Variants in CEBPZ observed in about 807,000 individuals in gnomAD.
The protein encoded by CEBPZ is CCAAT/enhancer-binding protein zeta.
In CEBPZ, 78 loss-of-function variants were observed where a neutral mutation model predicts 104.5. The ratio of observed to expected loss-of-function variants is 0.75; its 90% CI spans 0.62 to 0.90. CEBPZ has a LOEUF of 0.90. CEBPZ is among the 40% of genes least tolerant of loss of function. The pLI is 0.00. For synonymous variants in CEBPZ, 470 were observed against 427.0 expected (o/e 1.10, Z -1.24); for missense variants, 1,439 against 1,233.5 (o/e 1.17, Z -2.50).
At position 37,216,194 on chromosome 2, in the gene CEBPZ, C is replaced by G; in HGVS notation, c.2326G>C (p.Val776Leu). 6.2e-7 allele frequency: 1 copy of G among 1,612,968 alleles called. No homozygotes were observed. The change falls in exon 8 of 16, where the codon GTT (valine) becomes CTT (leucine). Residue 776 changes from valine (V) to leucine (L), a missense_variant. By Grantham distance (32) the Val-to-Leu change is conservative (BLOSUM62 1). Coordinates refer to ENST00000234170, the MANE Select transcript of CEBPZ (RefSeq NM_005760.3). ...PHKGKENTDS[V>L]VMQPKRKHFI... Reference sequence around the variant, plus strand: ...TGTTTTCTTTTCGGCTGCATCACAACACTATCTGTGTTTTCTGAAATGTAA... The same window carrying G: ...TGTTTTCTTTTCGGCTGCATCACAAGACTATCTGTGTTTTCTGAAATGTAA...
intron 5 of CEBPZ, among the ~76,000 whole-genome samples, 195 bp downstream of exon 5, chr2:37,220,190 G>A (rs1176370078): frequency 6.6e-6 from 1 of 151,760 alleles, no homozygotes; most frequent in Non-Finnish European, 1.5e-5. Flanking sequence ...GGTGGTGGGC[G>A]CCTGTAATCC....
At position 37,228,371 on chromosome 2, in the gene CEBPZ, T is replaced by TGCCC; in HGVS notation, c.821_822insGGGC (p.Lys275GlyfsTer40). 1.2e-6 allele frequency: 2 copies of TGCCC among 1,614,192 alleles called. No individual in the cohort carries two copies. The highest frequency in any genetic ancestry group is 1.7e-6 in the Non-Finnish European group (2 of 1,180,032). ...GGCACTGCTGTTTGCTGCCCTTCTTTTTAACAAGGTTCACAAGAGTTTCTA... is the reference window on the plus strand; with the variant it reads ...GGCACTGCTGTTTGCTGCCCTTCTTTGCCCTTAACAAGGTTCACAAGAGTTTCTA... On this transcript the variant is annotated frameshift_variant, in exon 2 of 16. Transcript: ENST00000234170. LOFTEE classifies it high-confidence loss of function.
At chr2:37,210,803 G>A (rs541350046) in intron 13 of CEBPZ, 196 bp downstream of exon 13, 1 of 470,980 alleles carries the variant, frequency 2.1e-6, no homozygotes, top group African/African-American at 2.0e-5. Context: ...TGAATGAAAA[G>A]ATGATCCAGA....
intron 13 of CEBPZ, chr2:37,210,475 C>G (rs1677685145): frequency 6.6e-6 from 1 of 152,252 alleles, no homozygotes; most frequent in African/African-American, 2.4e-5. Flanking sequence ...TTCGCAGCAA[C>G]CTGAATACAG....
intron 13 of CEBPZ, chr2:37,203,624 TA>T (rs1427295813): frequency 6.6e-6 from 1 of 152,246 alleles, no homozygotes; most frequent in Non-Finnish European, 1.5e-5. Flanking sequence ...TTAAGTGTAT[TA>T]ACGCATTTTG....
Position 37,213,942 on chromosome 2 carries a change from C to G in CEBPZ, c.2467G>C (p.Val823Leu). 6.4e-7 allele frequency: 1 copy of G among 1,573,290 alleles called. No homozygotes were observed. The highest frequency in any genetic ancestry group is 8.6e-7 in the Non-Finnish European group (1 of 1,163,606). Reference protein sequence around the residue: ...FFHRYYKKVAVKEKQKRDADE... With the variant: ...FFHRYYKKVALKEKQKRDADE... Reference sequence around the variant, plus strand: ...GCATCCCGTTTTTGTTTCTCTTTAACAGCAACTTTTTTATAATACCTATAA... The same window carrying G: ...GCATCCCGTTTTTGTTTCTCTTTAAGAGCAACTTTTTTATAATACCTATAA... The change falls in exon 10 of 16, where the codon GTT becomes CTT. Residue 823 changes from valine (V) to leucine (L), a missense_variant. Coordinates refer to ENST00000234170, the MANE Select transcript of CEBPZ (RefSeq NM_005760.3).
In CEBPZ at chr2:37,228,068, G is replaced by C. The variant is rs766049038; in HGVS notation, c.1125C>G (p.Asn375Lys). 6 of 1,614,162 alleles carry C rather than the reference G, an allele frequency of 3.7e-6. No individual in the cohort carries two copies. The South Asian group carries it at 5.5e-5, about 15-fold the overall frequency. ...GAAGAGCCTTTTCTTCCTCAGGCTT[G>C]TTACAAAGCAGCTCATGAGCCACGG... ...ALTVAHELLC[N>K]KPEEEKALLV... The change falls in exon 2 of 16, where the codon AAC becomes AAG. Residue 375 changes from asparagine to lysine, a missense_variant. Asn to Lys is a moderately conservative substitution (Grantham distance 94). Coordinates refer to ENST00000234170, the MANE Select transcript of CEBPZ (RefSeq NM_005760.3).
At chr2:37,217,306 T>C (rs545513552) in intron 5 of CEBPZ, among the ~76,000 whole-genome samples, 26 of 151,714 alleles carry the variant, frequency 1.7e-4, no homozygotes, top group Admixed American at 1.4e-3. Context: ...GAGGCTAAAG[T>C]GGGAGGACTG....
intron 5 of CEBPZ, among the ~76,000 whole-genome samples, chr2:37,217,921 C>CA (rs1664670128): frequency 7.1e-6 from 1 of 139,930 alleles, no homozygotes; most frequent in Non-Finnish European, 1.6e-5. Context: ...AAACAAAAAA[C>CA]AAAAACAAAA....
intron 5 of CEBPZ, among the ~76,000 whole-genome samples, 173 bp downstream of exon 5, chr2:37,220,212 G>C (rs1003545442): frequency 2.6e-5 from 4 of 151,860 alleles, no homozygotes; most frequent in African/African-American, 9.7e-5. Context: ...AGCTACTTGG[G>C]AGGCTGAGCC....
chr2:37,210,954 T>C, intron 13 of CEBPZ, 45 bp downstream of exon 13: 2 of 1,395,600 alleles, frequency 1.4e-6, no homozygotes. Context: ...ATGACACCTT[T>C]CACATGGACA....
chr2:37,211,370 G>C (rs1282350036), intron 12 of CEBPZ: 1 of 264,926 alleles, frequency 3.8e-6, no homozygotes, highest in African/African-American at 2.2e-5. Flanking sequence ...CTGTGGTTCA[G>C]AATAAGTAAG....
At chr2:37,225,396 A>C (rs907378410) in intron 2 of CEBPZ, among the ~76,000 whole-genome samples, 3 of 151,584 alleles carry the variant, frequency 2.0e-5, no homozygotes, top group Non-Finnish European at 2.9e-5. Context: ...CCATTTTGTT[A>C]TGTACTAAGA....
chr2:37,202,254 G>C (rs892798589), intron 15 of CEBPZ: 1 of 133,978 alleles, frequency 7.5e-6, no homozygotes, highest in Non-Finnish European at 1.5e-5. Context: ...TTTTTTTTTT[G>C]CTTTAGTCTA....
At chr2:37,223,667 T>A (rs1281642008) in intron 2 of CEBPZ, among the ~76,000 whole-genome samples, 1 of 152,242 alleles carries the variant, frequency 6.6e-6, no homozygotes, top group Non-Finnish European at 1.5e-5. Flanking sequence ...AGTGTTTTTC[T>A]GTTTTCTATA....
At chr2:37,212,166 AAAT>A in intron 11 of CEBPZ, 127 bp from the exon 12 acceptor site, 1 of 989,334 alleles carries the variant, frequency 1.0e-6, no homozygotes, top group South Asian at 1.6e-5. Context: ...TGCTCAGAGT[AAAT>A]AATAACGTGC....
intron 13 of CEBPZ, chr2:37,209,436 A>G (rs960445630): frequency 3.3e-5 from 5 of 152,206 alleles, no homozygotes; most frequent in Non-Finnish European, 5.9e-5. Context: ...GTACTTGTAC[A>G]AAAACAGGCA....
intron 2 of CEBPZ, among the ~76,000 whole-genome samples, chr2:37,226,764 A>G (rs926493745): frequency 8.4e-4 from 128 of 152,324 alleles, no homozygotes; most frequent in African/African-American, 2.8e-3. Flanking sequence ...ATGAATCAGA[A>G]GGAAATATAT....
rs1664957013 is a variant in CEBPZ at position 37,228,771 on chromosome 2, T to C, written c.422A>G (p.Asn141Ser). Residue 141 changes from asparagine to serine, a missense_variant, in exon 2 of 16, where the codon AAT becomes AGT. Transcript: ENST00000234170. ...AGAATGTGGTTCTGGCCTATTCTTATTTTTCACCTTATTAACTGATGTCCT... is the reference window on the plus strand; with the variant it reads ...AGAATGTGGTTCTGGCCTATTCTTACTTTTCACCTTATTAACTGATGTCCT... ...SQRTSVNKVKNKNRPEPHSDE... is the reference protein window; with the variant it reads ...SQRTSVNKVKSKNRPEPHSDE... 6.2e-7 allele frequency: 1 copy of C among 1,613,968 alleles called. No individual in the cohort carries two copies. Among genetic ancestry groups the C allele is most frequent in the Non-Finnish European group, 8.5e-7 (1 of 1,179,982 alleles).
Sources: gnomAD v4.1 joint callset for allele counts (sites outside exome capture counted in the v4.1 genomes callset) on GRCh38, gnomAD v4.1.1 for gene constraint, MANE v1.5 for transcripts, NCBI Gene and HGNC (gene_info 2026-07-23, HGNC 2026-07-21) for gene names.